The following BEST3 variants were observed in gnomAD, a reference collection of about 807,000 sequenced individuals.
BEST3 encodes the protein bestrophin 3, also known as bestrophin-3.
A neutral mutation model predicts 47.1 loss-of-function variants in BEST3; 50 were observed. The observed-to-expected ratio is 1.06, with a 90% CI of 0.85 to 1.34. The LOEUF is 1.34. BEST3 is among the 40% of genes most tolerant of loss of function. BEST3 has a pLI of 0.00. For missense variants in BEST3, 765 were observed against 817.0 expected (o/e 0.94, Z 0.78); for synonymous variants, 282 against 298.8 (o/e 0.94, Z 0.58).
chr12:69,683,365 G>T (rs929611023), intron 4 of BEST3: 4 of 152,130 alleles, frequency 2.6e-5, no homozygotes, highest in Non-Finnish European at 4.4e-5. Context: ...TTCCTTGCAG[G>T]GTCACACATC....
Position 69,671,450 on chromosome 12 carries a change from G to A in BEST3, c.1078C>T (p.Leu360=). 2.5e-6 allele frequency: 4 copies of A among 1,613,878 alleles called. No homozygotes were observed. Among genetic ancestry groups the A allele is most frequent in the Non-Finnish European group, 3.4e-6 (4 of 1,179,938 alleles). The change falls in exon 9 of 10, where the codon CTG becomes TTG. Residue 360 remains leucine, a synonymous_variant. Coordinates refer to ENST00000330891, the MANE Select transcript of BEST3 (RefSeq NM_032735.3). The part of the protein sequence containing the change: ...AAADYCIPSF[L]GSTVQMGLSG... ...TACCCCATCTGGACTGTTGACCCCA[G>A]AAATGAGGGTATGCAGTAGTCAGCA... is the stretch of plus-strand genomic sequence containing the variant.
intron 4 of BEST3, among the ~76,000 whole-genome samples, chr12:69,681,383 C>T (rs1048943316): frequency 6.6e-6 from 1 of 151,438 alleles, no homozygotes; most frequent in Non-Finnish European, 1.5e-5. Flanking sequence ...TTGGGAGGCC[C>T]AGGCAGGAGG....
chr12:69,664,967 A>T (rs1884099953), intron 9 of BEST3, among the ~76,000 whole-genome samples: 1 of 152,252 alleles, frequency 6.6e-6, no homozygotes, highest in African/African-American at 2.4e-5. Context: ...CGCCACCAAC[A>T]TCTGAAATGC....
rs1480268415 is a variant in BEST3 at position 69,655,607 on chromosome 12, A to C, written c.1307T>G (p.Leu436Arg). The C allele has an allele frequency of 6.2e-7, 1 of 1,613,790 alleles. No individual in the cohort carries two copies. The highest frequency in any genetic ancestry group is 8.5e-7 in the Non-Finnish European group (1 of 1,179,968). ...RDDLSPARDL[L>R]DVPSRNPPRA... ...GGGGGGGTTTCTTGAGGGCACATCC[A>C]GTAGGTCCCTGGCTGGGCTGAGGTC... The change falls in exon 10 of 10, where the codon CTG (leucine) becomes CGG (arginine). Residue 436 changes from leucine to arginine, a missense_variant. Coordinates refer to ENST00000330891, the MANE Select transcript of BEST3 (RefSeq NM_032735.3).
chr12:69,695,027 A>G (rs1886080089), intron 2 of BEST3, among the ~76,000 whole-genome samples: 1 of 152,216 alleles, frequency 6.6e-6, no homozygotes, highest in African/African-American at 2.4e-5. Flanking sequence ...ATGAGAAATG[A>G]AAACTTTCAT....
intron 4 of BEST3, among the ~76,000 whole-genome samples, chr12:69,686,514 C>T (rs1885596084): frequency 6.6e-6 from 1 of 151,944 alleles, no homozygotes; most frequent in South Asian, 2.1e-4. Flanking sequence ...GTGGCTCACG[C>T]CTGTAATCCC....
chr12:69,680,564 C>G (rs1885199710), intron 4 of BEST3, among the ~76,000 whole-genome samples: 1 of 152,108 alleles, frequency 6.6e-6, no homozygotes, highest in African/African-American at 2.4e-5. Context: ...TCCTCGGCCT[C>G]CCAAATTGCT....
intron 4 of BEST3, among the ~76,000 whole-genome samples, chr12:69,681,311 T>C (rs1885241123): frequency 6.6e-6 from 1 of 152,228 alleles, no homozygotes; most frequent in East Asian, 1.9e-4. Context: ...ACAAATCTGG[T>C]TGTCCTATTT....
At chr12:69,697,879 G>T in intron 1 of BEST3, 66 bp from the exon 2 acceptor site, 1 of 1,292,886 alleles carries the variant, frequency 7.7e-7, no homozygotes, top group Non-Finnish European at 1.1e-6. Flanking sequence ...AAATCTGTAT[G>T]TCTGTATATC....
At chr12:69,673,120 G>A (rs1272753560) in intron 7 of BEST3, among the ~76,000 whole-genome samples, 155 bp from the exon 8 acceptor site, 1 of 152,158 alleles carries the variant, frequency 6.6e-6, no homozygotes, top group Non-Finnish European at 1.5e-5. Flanking sequence ...ATATTTATTA[G>A]CGAGCAAGAC....
At chr12:69,686,411 G>A (rs78212762) in intron 4 of BEST3, among the ~76,000 whole-genome samples, 12,341 of 152,046 alleles carry the variant, frequency 0.081, 720 homozygotes, top group East Asian at 0.24. Context: ...TAATATTATT[G>A]TTTTCCTTGA....
intron 4 of BEST3, among the ~76,000 whole-genome samples, chr12:69,693,159 T>G (rs3937886): frequency 0.1 from 15,284 of 152,186 alleles, 880 homozygotes; most frequent in East Asian, 0.24. Flanking sequence ...TTATTCATCT[T>G]TGTCTCTTAG....
chr12:69,690,912 T>G (rs1592375334), intron 4 of BEST3, among the ~76,000 whole-genome samples: 1 of 152,284 alleles, frequency 6.6e-6, no homozygotes, highest in South Asian at 2.1e-4. Context: ...CTACTGATTT[T>G]ACATTATCAT....
chr12:69,675,444 T>A (rs1437429220), intron 7 of BEST3, among the ~76,000 whole-genome samples: 1 of 152,186 alleles, frequency 6.6e-6, no homozygotes, highest in Non-Finnish European at 1.5e-5. Context: ...GAAAAGGATG[T>A]AAATATTTTA....
chr12:69,645,197 A>G (rs1474105599), intron 9 of BEST3, among the ~76,000 whole-genome samples: 1 of 152,202 alleles, frequency 6.6e-6, no homozygotes, highest in East Asian at 1.9e-4. Flanking sequence ...TTGGTTTATT[A>G]TAATATTACC....
At chr12:69,690,751 GA>G (rs1221955009) in intron 4 of BEST3, among the ~76,000 whole-genome samples, 1 of 152,178 alleles carries the variant, frequency 6.6e-6, no homozygotes, top group East Asian at 1.9e-4. Flanking sequence ...GTCTTTCTTA[GA>G]GACGGTAATT....
At chr12:69,651,775 C>CA (rs1475932098), downstream of BEST3, among the ~76,000 whole-genome samples, 8,251 of 53,172 alleles carry the variant, frequency 0.16, 344 homozygotes, top group South Asian at 0.29. Flanking sequence ...GACTCTGTCT[C>CA]AAAAAAAAAA....
intron 9 of BEST3, among the ~76,000 whole-genome samples, chr12:69,661,845 T>C (rs745495161): frequency 5.3e-5 from 8 of 152,190 alleles, no homozygotes; most frequent in East Asian, 3.8e-4. Flanking sequence ...TATCTGGTCA[T>C]TGAACCAAGG....
downstream of BEST3, among the ~76,000 whole-genome samples, chr12:69,650,788 G>A (rs1177324681): frequency 2.0e-5 from 3 of 152,148 alleles, no homozygotes; most frequent in Non-Finnish European, 2.9e-5. Context: ...TCATTGCCAT[G>A]GTGATGAGGC....
Sources: gnomAD v4.1 joint callset for allele counts (sites outside exome capture counted in the v4.1 genomes callset) on GRCh38, gnomAD v4.1.1 for gene constraint, MANE v1.5 for transcripts, NCBI Gene and HGNC (gene_info 2026-07-23, HGNC 2026-07-21) for gene names.